The following GRM1 variants were observed in gnomAD, a reference collection of about 807,000 sequenced individuals.
GRM1 encodes the protein metabotropic glutamate receptor 1.
In GRM1, 33 loss-of-function variants were observed where a neutral mutation model predicts 90.9. The observed-to-expected ratio is 0.36, with a 90% CI of 0.28 to 0.49. The LOEUF is 0.49. Among genes scored for constraint, GRM1 ranks in the 20% least tolerant of loss-of-function variants. GRM1 has a pLI of 0.99. For missense variants in GRM1, 1,190 were observed against 1,534.3 expected (o/e 0.78, Z 3.75); for synonymous variants, 700 against 613.2 (o/e 1.14, Z -2.09).
At chr6:146,220,920 T>C (rs1007286222) in intron 2 of GRM1, among the ~76,000 whole-genome samples, 3 of 151,474 alleles carry the variant, frequency 2.0e-5, no homozygotes, top group African/African-American at 7.3e-5. Flanking sequence ...GAAGAAGAAA[T>C]AGCATGTGCA....
chr6:146,262,210 C>G (rs947219774), intron 2 of GRM1, among the ~76,000 whole-genome samples: 1 of 151,716 alleles, frequency 6.6e-6, no homozygotes, highest in African/African-American at 2.4e-5. Flanking sequence ...TTATCTGCAC[C>G]CAGTCAAGAT....
chr6:146,266,351 G>T (rs1781886071), intron 2 of GRM1, among the ~76,000 whole-genome samples: 1 of 151,968 alleles, frequency 6.6e-6, no homozygotes, highest in African/African-American at 2.4e-5. Flanking sequence ...ATTTAACAGG[G>T]TGTTGATAAA....
At chr6:146,206,014 G>T (rs1779482892) in intron 2 of GRM1, among the ~76,000 whole-genome samples, 1 of 152,130 alleles carries the variant, frequency 6.6e-6, no homozygotes, top group African/African-American at 2.4e-5. Context: ...TAGGTGGAAG[G>T]TGATTAAAGA....
intron 2 of GRM1, among the ~76,000 whole-genome samples, chr6:146,214,697 A>G (rs1779809081): frequency 6.6e-6 from 1 of 152,208 alleles, no homozygotes; most frequent in Admixed American, 6.5e-5. Flanking sequence ...AAATGCTACA[A>G]GAGAATATAG....
At chr6:146,314,345 GAAC>G (rs1783888292) in intron 3 of GRM1, among the ~76,000 whole-genome samples, 3 of 151,822 alleles carry the variant, frequency 2.0e-5, no homozygotes, top group Admixed American at 1.3e-4. Flanking sequence ...CAAAGTGCTG[GAAC>G]AACACTTAAC....
intron 2 of GRM1, among the ~76,000 whole-genome samples, chr6:146,192,840 C>T (rs1192759287): frequency 6.6e-6 from 1 of 152,112 alleles, no homozygotes; most frequent in Non-Finnish European, 1.5e-5. Flanking sequence ...ACAGGCTTTT[C>T]TGCCTGCTAT....
intron 5 of GRM1, among the ~76,000 whole-genome samples, chr6:146,365,898 T>C (rs1180872154): frequency 6.6e-6 from 1 of 152,194 alleles, no homozygotes; most frequent in Non-Finnish European, 1.5e-5. Flanking sequence ...GAAAGCTGGG[T>C]GAGGACTTGC....
intron 2 of GRM1, among the ~76,000 whole-genome samples, chr6:146,227,086 A>G (rs142300822): frequency 0.014 from 2,133 of 152,260 alleles, 73 homozygotes; most frequent in East Asian, 0.079. Flanking sequence ...TCTATCATTT[A>G]TCTATCTTTA....
At chr6:146,274,567 A>T (rs1007668722) in intron 2 of GRM1, among the ~76,000 whole-genome samples, 9 of 152,188 alleles carry the variant, frequency 5.9e-5, no homozygotes, top group Admixed American at 5.2e-4. Flanking sequence ...AATTTTTGCA[A>T]AAGAGAGATG....
At chr6:146,060,336 A>G (rs543331889) in intron 1 of GRM1, among the ~76,000 whole-genome samples, 1 of 152,064 alleles carries the variant, frequency 6.6e-6, no homozygotes, top group Admixed American at 6.6e-5. Context: ...CGTACAGATT[A>G]TTTCATTGCC....
intron 3 of GRM1, among the ~76,000 whole-genome samples, chr6:146,343,485 C>T (rs1259625329): frequency 6.6e-6 from 1 of 151,882 alleles, no homozygotes; most frequent in African/African-American, 2.4e-5. Context: ...TTTACTTAAT[C>T]ATTTATTTAT....
chr6:146,386,919 C>T lies in GRM1; in HGVS notation c.1632C>T (p.Cys544=). The change falls in exon 6 of 8, where the codon TGC becomes TGT. Residue 544 remains cysteine (C), a synonymous_variant. Transcript: ENST00000282753. ...TACGGAAAGGAGAAGTGAGCTGCTG[C>T]TGGATTTGCACGGCCTGCAAAGAGA... ...KVIRKGEVSC[C]WICTACKENE... is the part of the protein sequence containing the mutation. 1.9e-6 allele frequency: 3 copies of T among 1,610,168 alleles called. No homozygotes were observed. The highest frequency in any genetic ancestry group is 2.5e-6 in the Non-Finnish European group (3 of 1,176,628).
At chr6:146,346,928 TG>T (rs1785208067) in intron 3 of GRM1, among the ~76,000 whole-genome samples, 2 of 152,284 alleles carry the variant, frequency 1.3e-5, no homozygotes, top group South Asian at 2.1e-4. Flanking sequence ...CATTTACCAT[TG>T]CTTCCCCGAA....
chr6:146,131,162 A>C (rs959379766), intron 1 of GRM1, among the ~76,000 whole-genome samples: 5 of 152,232 alleles, frequency 3.3e-5, no homozygotes, highest in Middle Eastern at 3.2e-3. Context: ...AGACCTAGGC[A>C]CTAAGAAGAC....
At chr6:146,258,546 C>G (rs1781570257) in intron 2 of GRM1, among the ~76,000 whole-genome samples, 1 of 151,770 alleles carries the variant, frequency 6.6e-6, no homozygotes. Context: ...TTGAGATAGG[C>G]CCTTGCTCTG....
At chr6:146,374,150 TGATG>T (rs1776005650) in intron 5 of GRM1, among the ~76,000 whole-genome samples, 1 of 96,060 alleles carries the variant, frequency 1.0e-5, no homozygotes, top group African/African-American at 8.8e-5. Flanking sequence ...TCTGTTGATA[TGATG>T]TATCGGTATC....
chr6:146,347,161 C>G (rs1785214664), intron 3 of GRM1, among the ~76,000 whole-genome samples: 1 of 152,212 alleles, frequency 6.6e-6, no homozygotes, highest in Non-Finnish European at 1.5e-5. Context: ...CACAATATTA[C>G]TAACAACTCA....
At chr6:146,058,958 G>T (rs1196502771) in intron 1 of GRM1, among the ~76,000 whole-genome samples, 1 of 152,000 alleles carries the variant, frequency 6.6e-6, no homozygotes, top group African/African-American at 2.4e-5. Context: ...CAACACATCC[G>T]CAGTGACTTT....
chr6:146,145,508 C>G (rs528725278), intron 1 of GRM1, among the ~76,000 whole-genome samples: 185 of 152,232 alleles, frequency 1.2e-3, no homozygotes, highest in Non-Finnish European at 2.4e-3. Context: ...CTCAAGTAGC[C>G]CTAGGTACAG....
Sources: allele counts gnomAD v4.1 joint callset (sites outside exome capture counted in the v4.1 genomes callset), GRCh38; gene constraint gnomAD v4.1.1; transcripts MANE v1.5; gene names NCBI Gene and HGNC (gene_info 2026-07-23, HGNC 2026-07-21).